Variants in SENP7 observed in about 807,000 individuals in gnomAD.
SENP7 encodes SUMO specific peptidase 7.
In SENP7, 64 loss-of-function variants were observed where a neutral mutation model predicts 141.2. The ratio of observed to expected loss-of-function variants is 0.45; its 90% CI spans 0.37 to 0.56. The LOEUF is 0.56. Among genes scored for constraint, SENP7 ranks in the 20% least tolerant of loss-of-function variants. The pLI is 0.00. For synonymous variants in SENP7, 382 were observed against 426.4 expected (o/e 0.90, Z 1.28); for missense variants, 1,025 against 1,212.2 (o/e 0.85, Z 2.29).
chr3:101,343,971 T>A lies in SENP7; in HGVS notation c.1838-17A>T. On this transcript the variant is annotated splice_polypyrimidine_tract_variant and intron_variant, in intron 13 of 23. Transcript: ENST00000394095. Reference sequence around the variant, plus strand: ...TAGATTTTGCTACAAAAGGAAAAAATAATTTGTATCAATAGTATTATTTTT... The same window carrying A: ...TAGATTTTGCTACAAAAGGAAAAAAAAATTTGTATCAATAGTATTATTTTT... The A allele has an allele frequency of 6.8e-7, 1 of 1,460,358 alleles. No homozygotes were observed. Among genetic ancestry groups the A allele is most frequent in the South Asian group, 1.3e-5 (1 of 76,158 alleles). The allele number at this position is 1,460,358 out of a possible 1,614,324, so 90.5% of individuals were successfully genotyped here.
chr3:101,326,089 A>G lies in SENP7; in HGVS notation c.3016-9T>C. ...AAGTTAACAATAGGATCCTAATGAG[A>G]GGAAAAAAAGAGTGTAATCACTTTA... On this transcript the variant is annotated splice_polypyrimidine_tract_variant and intron_variant, in intron 23 of 23. Transcript: ENST00000394095. 6.4e-7 allele frequency: 1 copy of G among 1,567,778 alleles called. No individual in the cohort carries two copies. The highest frequency in any genetic ancestry group is 8.6e-7 in the Non-Finnish European group (1 of 1,159,022).
rs556233119 is a variant in SENP7, at chr3:101,413,413, G to A, written c.482+4180C>T. 6.1e-4 allele frequency among the ~76,000 whole-genome samples: 93 copies of A among 152,202 alleles called. 1 individual carries two copies. Among genetic ancestry groups the A allele is most frequent in the Admixed American group, 2.3e-3 (35 of 15,290 alleles). ...ACCAAAATTACTGAGTATATAATTG[G>A]TTCTTACAGGGAAAATATATGTTAG... On this transcript the variant is annotated intron_variant, in intron 5 of 23. Coordinates refer to ENST00000394095, the MANE Select transcript of SENP7 (RefSeq NM_020654.5).
intron 4 of SENP7, among the ~76,000 whole-genome samples, chr3:101,448,686 T>A (rs528520697): frequency 3.9e-5 from 6 of 152,004 alleles, no homozygotes; most frequent in Non-Finnish European, 5.9e-5. Flanking sequence ...GAAGGAAAAC[T>A]AACAAACAGA....
At chr3:101,474,345 C>A (rs2064129570) in intron 3 of SENP7, among the ~76,000 whole-genome samples, 4 of 152,176 alleles carry the variant, frequency 2.6e-5, no homozygotes, top group Middle Eastern at 3.4e-3. Context: ...CTTGTGTCAT[C>A]TCTGATTTCT....
rs369341165 is a variant in SENP7, at chr3:101,337,636, A to G, written c.2358-5T>C. The G allele has an allele frequency of 8.2e-6, 13 of 1,579,636 alleles. No individual in the cohort carries two copies. The East Asian group carries it at 2.8e-4, about 34-fold the overall frequency. ...GCCTTCTCCAATATAAGATACCTGT[A>G]AAGTAGTAACCCCACAAAAGTAAAT... On this transcript the variant is annotated splice_region_variant and splice_polypyrimidine_tract_variant and intron_variant, in intron 16 of 23. Transcript: ENST00000394095.
At chr3:101,494,095 T>C (rs2065070747) in intron 2 of SENP7, 127 bp from the exon 3 acceptor site, 1 of 466,414 alleles carries the variant, frequency 2.1e-6, no homozygotes, top group African/African-American at 1.9e-5. Flanking sequence ...TTAAATTCAG[T>C]GCTTAATTTA....
intron 4 of SENP7, among the ~76,000 whole-genome samples, chr3:101,453,693 A>T (rs2063239361): frequency 6.6e-6 from 1 of 151,994 alleles, no homozygotes; most frequent in Non-Finnish European, 1.5e-5. Flanking sequence ...AGGAAGGGGA[A>T]CATCACACAC....
intron 5 of SENP7, among the ~76,000 whole-genome samples, chr3:101,409,332 T>C (rs1053630739): frequency 1.3e-5 from 2 of 152,122 alleles, no homozygotes; most frequent in African/African-American, 4.8e-5. Context: ...CATGGATGGG[T>C]AGAATCAATA....
intron 4 of SENP7, among the ~76,000 whole-genome samples, chr3:101,425,979 C>T (rs1454073289): frequency 6.6e-6 from 1 of 152,056 alleles, no homozygotes; most frequent in Admixed American, 6.5e-5. Context: ...TGAAAAGAAA[C>T]AAACAAAACC....
At chr3:101,384,527 G>A (rs1437864848) in intron 6 of SENP7, among the ~76,000 whole-genome samples, 1 of 152,178 alleles carries the variant, frequency 6.6e-6, no homozygotes, top group Non-Finnish European at 1.5e-5. Flanking sequence ...CTTGCAGTAC[G>A]ACTGGTCCAA....
At position 101,331,973 on chromosome 3, in the gene SENP7, T is replaced by C. The variant is rs1559677900; in HGVS notation, c.2698+12A>G. On this transcript the variant is annotated intron_variant, in intron 19 of 23. Transcript: ENST00000394095. The stretch of plus-strand genomic sequence containing the variant: ...TCATTATTAAAAACACCATCTACGT[T>C]ATGGATGTCACCTATTGTTTTGTTG... 1.2e-6 allele frequency: 2 copies of C among 1,612,082 alleles called. No homozygotes were observed. Among genetic ancestry groups the C allele is most frequent in the Admixed American group, 1.7e-5 (1 of 59,892 alleles).
intron 4 of SENP7, among the ~76,000 whole-genome samples, chr3:101,418,823 T>A (rs2061699878): frequency 1.3e-5 from 2 of 151,802 alleles, no homozygotes; most frequent in South Asian, 2.1e-4. Flanking sequence ...CAAAAAAAAA[T>A]TAAGCTATTA....
At chr3:101,475,879 G>A (rs1223654536) in intron 3 of SENP7, among the ~76,000 whole-genome samples, 6 of 152,046 alleles carry the variant, frequency 3.9e-5, no homozygotes, top group African/African-American at 1.4e-4. Context: ...ACTAAAGAGA[G>A]AGATAAATCC....
chr3:101,475,643 C>G (rs2064185696), intron 3 of SENP7, among the ~76,000 whole-genome samples: 1 of 152,092 alleles, frequency 6.6e-6, no homozygotes, highest in Non-Finnish European at 1.5e-5. Flanking sequence ...AACACCATGG[C>G]ACACGTTTAC....
chr3:101,393,788 T>C (rs1047054903), intron 6 of SENP7, among the ~76,000 whole-genome samples: 3 of 152,106 alleles, frequency 2.0e-5, no homozygotes, highest in Non-Finnish European at 4.4e-5. Context: ...CATAGCATGG[T>C]AGAAAAGTGT....
chr3:101,329,552 T>C (rs1233098780), intron 20 of SENP7, among the ~76,000 whole-genome samples: 1 of 152,036 alleles, frequency 6.6e-6, no homozygotes, highest in East Asian at 1.9e-4. Flanking sequence ...GCAGATCTGT[T>C]TGGAGCTCCA....
chr3:101,505,379 T>C lies in SENP7; in HGVS notation c.41-4260A>G, dbSNP rs187640242. Among the ~76,000 whole-genome samples the C allele has an allele frequency of 6.1e-3, 925 of 152,340 alleles. 4 individuals carry two copies. Among genetic ancestry groups the C allele is most frequent in the Admixed American group, 0.011 (162 of 15,296 alleles). On this transcript the variant is annotated intron_variant, in intron 1 of 23. Transcript: ENST00000394095. ...AGTACATGTCATTTTAAAAGGAATG[T>C]CAGTTTCTTAAATTTTAATTTACAA... is the stretch of plus-strand genomic sequence containing the variant.
rs969387157 is a variant in SENP7, at chr3:101,324,233, C to T, written c.*1710G>A. ...CATACAACTGGAAATTTATTTCTAA[C>T]AGTAGCTCATGTTTCTTAAGGAAAA... On this transcript the variant is annotated 3_prime_UTR_variant, in exon 24 of 24. Transcript: ENST00000394095. 6 of 151,998 alleles carry T rather than the reference C, an allele frequency of 3.9e-5. No individual in the cohort carries two copies. The highest frequency in any genetic ancestry group is 8.8e-5 in the Non-Finnish European group (6 of 67,978). 9.4% of individuals were successfully genotyped at this position (151,998 alleles called of 1,614,324 possible).
At chr3:101,340,002 C>A in intron 16 of SENP7, 93 bp downstream of exon 16, 2 of 1,405,402 alleles carry the variant, frequency 1.4e-6, no homozygotes, top group Admixed American at 2.7e-5. Context: ...CTACTTTTAA[C>A]AGAATTTAAA....
Sources: gnomAD v4.1 joint callset for allele counts (sites outside exome capture counted in the v4.1 genomes callset) on GRCh38, gnomAD v4.1.1 for gene constraint, MANE v1.5 for transcripts, NCBI Gene and HGNC (gene_info 2026-07-23, HGNC 2026-07-21) for gene names.